Variants in ERAP1 observed in about 807,000 individuals in gnomAD.
ERAP1 encodes the protein adipocyte-derived leucine aminopeptidase.
Under a neutral mutation model 103.7 loss-of-function variants are expected in ERAP1, and 86 were observed. The ratio of observed to expected loss-of-function variants is 0.83; its 90% confidence interval spans 0.70 to 0.99. The LOEUF is 0.99. Ranked by LOEUF, ERAP1 falls within the 50% of genes least tolerant of loss-of-function variation. The pLI, the probability that ERAP1 is intolerant of heterozygous loss-of-function variation, is 0.00. For synonymous variants in ERAP1, 398 were observed against 402.4 expected (o/e 0.99, Z 0.13); for missense variants, 1,009 against 1,128.4 (o/e 0.89, Z 1.52).
rs745684707 is a variant in ERAP1, at chr5:96,781,809, C to T, written c.2331G>A (p.Gln777=). Residue 777 remains glutamine, a synonymous_variant, in exon 16 of 19, where the codon CAG becomes CAA. Transcript: ENST00000443439. ...VTLAVFAVGA[Q]STEGWDFLYS... ...AAAGAAAATCCCAGCCTTCTGTGCT[C>T]TGGGCCCCCACAGCAAACACTGCCA... 10 of 1,613,958 alleles carry T rather than the reference C, an allele frequency of 6.2e-6. No homozygotes were observed. In the South Asian group the frequency reaches 1.1e-4, roughly 18 times the overall value.
the ERAP1 span, among the ~76,000 whole-genome samples, chr5:96,823,660 T>G: frequency 4.6e-5 from 7 of 152,248 alleles, no homozygotes; most frequent in African/African-American, 1.7e-4. Flanking sequence ...AATGGTTGCC[T>G]AAAACTGCAG....
chr5:96,794,023 T>C (rs1777033834), intron 5 of ERAP1, 66 bp from the exon 6 acceptor site: 1 of 1,522,202 alleles, frequency 6.6e-7, no homozygotes, highest in Non-Finnish European at 9.1e-7. Context: ...AACACTAATC[T>C]TCAGAATGGA....
At position 96,793,916 on chromosome 5, in the gene ERAP1, T is replaced by C. The variant is rs760499157; in HGVS notation, c.961A>G (p.Asn321Asp). ...IPDFQSGAME[N>D]WGLTTYRESA... ...TCTCTATATGTTGTCAGTCCCCAGT[T>C]TTCCATAGCACCAGACTGAAAGTCG... is the stretch of plus-strand genomic sequence containing the variant. Residue 321 changes from asparagine to aspartate, a missense_variant, in exon 6 of 19, where the codon AAC (asparagine) becomes GAC (aspartate). By Grantham distance (23) the Asn-to-Asp change is conservative. Coordinates refer to ENST00000443439, the MANE Select transcript of ERAP1 (RefSeq NM_001040458.3). 1 of 1,614,032 alleles carries C rather than the reference T, an allele frequency of 6.2e-7. No individual in the cohort carries two copies. The highest frequency in any genetic ancestry group is 2.2e-5 in the East Asian group (1 of 44,888).
At chr5:96,798,217 C>T (rs26490) in intron 3 of ERAP1, among the ~76,000 whole-genome samples, 108,427 of 150,932 alleles carry the variant, frequency 0.72, 39,419 homozygotes, top group Non-Finnish European at 0.79. Context: ...CCCAGCTACT[C>T]GGGAGGCTGA....
chr5:96,884,123 T>C, the ERAP1 span, among the ~76,000 whole-genome samples: 6 of 146,930 alleles, frequency 4.1e-5, no homozygotes, highest in African/African-American at 1.3e-4. Flanking sequence ...ATCATTCTGT[T>C]TGGGGCATTG....
the ERAP1 span, among the ~76,000 whole-genome samples, chr5:96,921,124 C>G: frequency 6.6e-6 from 1 of 152,192 alleles, no homozygotes; most frequent in African/African-American, 2.4e-5. Context: ...CTTGGGCAGG[C>G]CCTGGGCTTT....
chr5:96,776,143 ATTC>A lies in ERAP1; in HGVS notation c.*250_*252del, dbSNP rs1774253405. 5 of 1,469,726 alleles carry A rather than the reference ATTC, an allele frequency of 3.4e-6. No homozygotes were observed. The South Asian group carries it at 4.9e-5, about 14-fold the overall frequency. The allele number at this position is 1,469,726 out of a possible 1,614,324, so 91.0% of individuals were successfully genotyped here. A position where few individuals can be genotyped will look rare whatever the true frequency, so the allele number is the denominator to read the frequency against. The stretch of plus-strand genomic sequence containing the variant: ...TAAAATGAGAAGAATAAGGTACTTT[ATTC>A]TTCTGTGGCAGGGAACCCAACACTT... On this transcript the variant is annotated 3_prime_UTR_variant, in exon 19 of 19. Transcript: ENST00000443439.
chr5:96,886,316 A>C, the ERAP1 span, among the ~76,000 whole-genome samples: 83,523 of 152,130 alleles, frequency 0.55, 22,966 homozygotes, highest in Admixed American at 0.6. Context: ...ACTTAAAAGC[A>C]CAGAAGTTGA....
the ERAP1 span, among the ~76,000 whole-genome samples, chr5:96,892,088 A>T: frequency 6.6e-6 from 1 of 152,174 alleles, no homozygotes; most frequent in Non-Finnish European, 1.5e-5. Context: ...TCATCTACAA[A>T]ACTCTTTGTA....
chr5:96,767,522 T>TAAATCATATTTCCATTAA, intron 19 of ERAP1: 1 of 1,532,660 alleles, frequency 6.5e-7, no homozygotes, highest in Non-Finnish European at 9.0e-7. Flanking sequence ...AATTTTGTTT[T>TAAATCATATTTCCATTAA]ATTCTAGCCA....
At chr5:96,913,292 A>G in the ERAP1 span, 1 of 1,603,434 alleles carries the variant, frequency 6.2e-7, no homozygotes, top group Admixed American at 1.7e-5. Context: ...TACTATTTAG[A>G]AACAAATTAT....
intron 3 of ERAP1, among the ~76,000 whole-genome samples, chr5:96,800,417 T>C (rs1777852132): frequency 6.6e-6 from 1 of 152,206 alleles, no homozygotes; most frequent in African/African-American, 2.4e-5. Context: ...GTACATTCAG[T>C]TACAAATTAT....
the ERAP1 span, among the ~76,000 whole-genome samples, chr5:96,851,193 C>A: frequency 6.6e-6 from 1 of 152,098 alleles, no homozygotes; most frequent in East Asian, 1.9e-4. Context: ...ATTAACTTTT[C>A]TTTTACTTGA....
chr5:96,899,290 CCCCCATCAATCT>C, the ERAP1 span, among the ~76,000 whole-genome samples: 1 of 152,096 alleles, frequency 6.6e-6, no homozygotes, highest in East Asian at 1.9e-4. Flanking sequence ...TAAGAAAAGT[CCCCCATCAATCT>C]TCCCCTAAAG....
the ERAP1 span, among the ~76,000 whole-genome samples, chr5:96,910,709 A>G: frequency 6.6e-6 from 1 of 152,248 alleles, no homozygotes; most frequent in African/African-American, 2.4e-5. Context: ...ATTTATGCTC[A>G]CAATCAAAAA....
chr5:96,898,828 C>CT, the ERAP1 span, among the ~76,000 whole-genome samples: 3 of 152,152 alleles, frequency 2.0e-5, no homozygotes, highest in African/African-American at 7.2e-5. Context: ...GGTCCAGACA[C>CT]ACTTTCTCCA....
chr5:96,819,086 C>A, the ERAP1 span, among the ~76,000 whole-genome samples: 1 of 151,896 alleles, frequency 6.6e-6, no homozygotes, highest in African/African-American at 2.4e-5. Context: ...CCACCACGCC[C>A]GGTTAATTTT....
Position 96,784,035 on chromosome 5 carries a change from G to A in ERAP1, c.1989C>T (p.Tyr663=). Residue 663 remains tyrosine, a synonymous_variant, in exon 14 of 19, where the codon TAC becomes TAT. Coordinates refer to ENST00000443439, the MANE Select transcript of ERAP1 (RefSeq NM_001040458.3). ...GCATAATTTCAGTTTCATGTTTCAA[G>A]TACAGGGATAAATCCAAGGCCTTTT... ...SIEKALDLSL[Y]LKHETEIMPV... is the part of the protein sequence containing the mutation. The A allele has an allele frequency of 6.2e-7, 1 of 1,614,040 alleles. No individual in the cohort carries two copies. The highest frequency in any genetic ancestry group is 8.5e-7 in the Non-Finnish European group (1 of 1,179,988).
chr5:96,928,573 G>A, the ERAP1 span, among the ~76,000 whole-genome samples: 6 of 152,242 alleles, frequency 3.9e-5, no homozygotes, highest in South Asian at 1.0e-3. Context: ...TGCCTTTAGG[G>A]GGAGTATGGT....
Sources: gnomAD v4.1 joint callset for allele counts (sites outside exome capture counted in the v4.1 genomes callset) on GRCh38, gnomAD v4.1.1 for gene constraint, MANE v1.5 for transcripts, NCBI Gene and HGNC (gene_info 2026-07-23, HGNC 2026-07-21) for gene names.